Variants in ADORA2B observed in about 807,000 individuals in gnomAD.
The protein encoded by ADORA2B is adenosine A2b receptor.
Under a neutral mutation model 20.8 loss-of-function variants are expected in ADORA2B, and 18 were observed. The ratio of observed to expected loss-of-function variants is 0.87; its 90% CI spans 0.60 to 1.29. The LOEUF is 1.29. ADORA2B is among the 50% of genes most tolerant of loss of function. The pLI is 0.00. For missense variants in ADORA2B, 441 were observed against 422.7 expected (o/e 1.04, Z -0.38); for synonymous variants, 179 against 178.3 (o/e 1.00, Z -0.03).
the ADORA2B span, among the ~76,000 whole-genome samples, chr17:15,917,933 C>T: frequency 6.6e-6 from 1 of 152,246 alleles, no homozygotes; most frequent in Non-Finnish European, 1.5e-5. Context: ...GTCCCTCCCT[C>T]CCTCTCGAGC....
the ADORA2B span, among the ~76,000 whole-genome samples, chr17:15,881,019 T>C: frequency 6.6e-6 from 1 of 151,670 alleles, no homozygotes; most frequent in African/African-American, 2.4e-5. Flanking sequence ...TGAAGTTCAC[T>C]TAGCTCCTTT....
the ADORA2B span, among the ~76,000 whole-genome samples, chr17:15,939,520 G>T: frequency 6.6e-6 from 1 of 152,180 alleles, no homozygotes; most frequent in African/African-American, 2.4e-5. Flanking sequence ...TCCACTGCCT[G>T]TTTGACTGGG....
At chr17:15,858,037 C>T in the ADORA2B span, among the ~76,000 whole-genome samples, 10 of 121,444 alleles carry the variant, frequency 8.2e-5, 1 homozygote, top group African/African-American at 2.8e-5. Context: ...GCATCCACCT[C>T]AGCTTTTGTG....
chr17:15,865,633 C>T, the ADORA2B span, among the ~76,000 whole-genome samples: 2 of 152,160 alleles, frequency 1.3e-5, no homozygotes, highest in Non-Finnish European at 2.9e-5. Context: ...AGAAGAAGAG[C>T]ATCGCCAGCT....
At chr17:15,891,472 T>G in the ADORA2B span, among the ~76,000 whole-genome samples, 200 of 152,314 alleles carry the variant, frequency 1.3e-3, 1 homozygote, top group Admixed American at 0.012. Flanking sequence ...TGGGCTCTTA[T>G]TGCACATGCT....
the ADORA2B span, among the ~76,000 whole-genome samples, chr17:15,867,130 C>T: frequency 3.4e-5 from 5 of 149,102 alleles, no homozygotes; most frequent in African/African-American, 9.9e-5. Context: ...GATCTCGGCT[C>T]GCTACAACCT....
chr17:15,891,135 G>A, the ADORA2B span, among the ~76,000 whole-genome samples: 6 of 152,268 alleles, frequency 3.9e-5, no homozygotes, highest in East Asian at 1.9e-4. Context: ...GCGTGGTGGC[G>A]GGTGCCTGTA....
intron 1 of ADORA2B, among the ~76,000 whole-genome samples, chr17:15,948,828 G>A (rs1224793031): frequency 6.6e-6 from 1 of 152,184 alleles, no homozygotes; most frequent in Non-Finnish European, 1.5e-5. Flanking sequence ...GGTCTTTGAG[G>A]TAGGGATTAA....
In ADORA2B at chr17:15,945,235, C is replaced by T; in HGVS notation, c.-14C>T. On this transcript the variant is annotated 5_prime_UTR_variant, in exon 1 of 2. Transcript: ENST00000304222. ...CCTTCGGTAGGGGGCGCCCGGGGCC[C>T]AGCTGGCCCGGCCATGCTGCTGGAG... 2.1e-6 allele frequency: 3 copies of T among 1,408,434 alleles called. No homozygotes were observed. The highest frequency in any genetic ancestry group is 1.8e-6 in the Non-Finnish European group (2 of 1,088,196). 87.2% of individuals were successfully genotyped at this position (1,408,434 alleles called of 1,614,324 possible).
chr17:15,905,822 A>AT, the ADORA2B span, among the ~76,000 whole-genome samples: 1 of 149,624 alleles, frequency 6.7e-6, no homozygotes, highest in African/African-American at 2.5e-5. Flanking sequence ...TGCCCAGCTA[A>AT]TTTTTGTATT....
the ADORA2B span, among the ~76,000 whole-genome samples, chr17:15,854,887 TA>T: frequency 6.6e-6 from 1 of 152,112 alleles, no homozygotes; most frequent in Non-Finnish European, 1.5e-5. Flanking sequence ...GTCTACTATG[TA>T]CCAGGCCATG....
the ADORA2B span, among the ~76,000 whole-genome samples, chr17:15,894,866 T>A: frequency 6.6e-6 from 1 of 152,182 alleles, no homozygotes; most frequent in Non-Finnish European, 1.5e-5. Flanking sequence ...CAAAGTAATT[T>A]AATTTTTTAA....
chr17:15,910,804 C>A, the ADORA2B span, among the ~76,000 whole-genome samples: 9 of 152,188 alleles, frequency 5.9e-5, no homozygotes, highest in African/African-American at 2.2e-4. Context: ...CTCCTCCAAG[C>A]CAGACCTTTG....
chr17:15,885,649 G>C, the ADORA2B span, among the ~76,000 whole-genome samples: 15 of 151,934 alleles, frequency 9.9e-5, no homozygotes, highest in Non-Finnish European at 2.1e-4. Flanking sequence ...GGGAGGCAGA[G>C]GTTGCAGTGA....
At chr17:15,956,507 A>G (rs1368188372) in intron 1 of ADORA2B, among the ~76,000 whole-genome samples, 4 of 150,636 alleles carry the variant, frequency 2.7e-5, no homozygotes, top group Admixed American at 1.3e-4. Flanking sequence ...GATCCTGTCC[A>G]CCTTCTGTTT....
At chr17:15,917,542 C>A in the ADORA2B span, among the ~76,000 whole-genome samples, 1 of 152,240 alleles carries the variant, frequency 6.6e-6, no homozygotes, top group African/African-American at 2.4e-5. Context: ...GGACCCCTTC[C>A]CCCTGCCCAG....
intron 1 of ADORA2B, among the ~76,000 whole-genome samples, chr17:15,965,021 C>T (rs542032537): frequency 9.9e-5 from 15 of 152,102 alleles, no homozygotes; most frequent in Non-Finnish European, 2.1e-4. Flanking sequence ...GATCGTGCCA[C>T]TGCGCTCCAG....
the ADORA2B span, among the ~76,000 whole-genome samples, chr17:15,925,981 A>T: frequency 6.6e-6 from 1 of 152,110 alleles, no homozygotes; most frequent in Non-Finnish European, 1.5e-5. Flanking sequence ...AAAAAAAAAC[A>T]GATTTAGGGT....
the ADORA2B span, among the ~76,000 whole-genome samples, chr17:15,898,633 C>T: frequency 6.6e-6 from 1 of 152,044 alleles, no homozygotes; most frequent in African/African-American, 2.4e-5. Flanking sequence ...TCCCAAAGTT[C>T]TGGGATTACA....
Sources: gnomAD v4.1 joint callset for allele counts (sites outside exome capture counted in the v4.1 genomes callset) on GRCh38, gnomAD v4.1.1 for gene constraint, MANE v1.5 for transcripts, NCBI Gene and HGNC (gene_info 2026-07-23, HGNC 2026-07-21) for gene names.